OTOL1: variants seen among roughly 807,000 people sequenced by gnomAD.
OTOL1 encodes the protein otolin 1.
A neutral mutation model predicts 25.0 loss-of-function variants in OTOL1; 31 were observed. That is an observed-to-expected ratio of 1.24 (90% CI 0.93 to 1.67). The LOEUF is 1.67. OTOL1 is among the 40% of genes most tolerant of loss of function. The pLI, the probability that OTOL1 is intolerant of heterozygous loss-of-function variation, is 0.00. For synonymous variants in OTOL1, 225 were observed against 210.3 expected (o/e 1.07, Z -0.61); for missense variants, 654 against 587.7 (o/e 1.11, Z -1.17).
chr3:161,499,269 T>C lies in OTOL1; in HGVS notation c.454+9T>C. 1 of 1,579,458 alleles carries C rather than the reference T, an allele frequency of 6.3e-7. No individual in the cohort carries two copies. The highest frequency in any genetic ancestry group is 1.2e-5 in the South Asian group (1 of 84,814). On this transcript the variant is annotated intron_variant, in intron 2 of 3. Transcript: ENST00000327928. ...CTACAAAGGAGAGAAAGGTAGGTAATTCATTCATGTCAAAACTCAAGGGAC... is the reference window on the plus strand; with the variant it reads ...CTACAAAGGAGAGAAAGGTAGGTAACTCATTCATGTCAAAACTCAAGGGAC...
chr3:161,503,407 C>T lies in OTOL1; in HGVS notation c.899C>T (p.Pro300Leu). 1.2e-6 allele frequency: 2 copies of T among 1,612,436 alleles called. No homozygotes were observed. The highest frequency in any genetic ancestry group is 1.3e-5 in the African/African-American group (1 of 74,878). Residue 300 changes from proline to leucine, a missense_variant, in exon 4 of 4, where the codon CCT becomes CTT. Physicochemically the swap from Pro to Leu is moderately conservative, Grantham distance 98 (BLOSUM62 -3). Coordinates refer to ENST00000327928, the MANE Select transcript of OTOL1 (RefSeq NM_001080440.1). ...GIKGEKGELG[P>L]PGLLGPTGPK... The stretch of plus-strand genomic sequence containing the variant: ...AAAGGAGAAAAAGGAGAGTTAGGTC[C>T]TCCTGGTCTCCTGGGACCTACTGGG...
At chr3:161,502,731 C>T (rs1719006512) in intron 3 of OTOL1, among the ~76,000 whole-genome samples, 1 of 152,124 alleles carries the variant, frequency 6.6e-6, no homozygotes, top group African/African-American at 2.4e-5. Context: ...CAACGAACAA[C>T]TACAGTCCTA....
Position 161,503,915 on chromosome 3 carries a change from A to T in OTOL1, c.1407A>T (p.Pro469=). 6.2e-7 allele frequency: 1 copy of T among 1,612,634 alleles called. No individual in the cohort carries two copies. The highest frequency in any genetic ancestry group is 8.5e-7 in the Non-Finnish European group (1 of 1,179,226). ...TTTTTACTGGGTTCCTTTTGTACCC[A>T]GAGGAAACTTCTGGAATTTCACCAT... ...DSIFTGFLLY[P]EETSGISP is the part of the protein sequence containing the mutation. The change falls in exon 4 of 4, where the codon CCA becomes CCT. Residue 469 remains proline (P), a synonymous_variant. Coordinates refer to ENST00000327928, the MANE Select transcript of OTOL1 (RefSeq NM_001080440.1).
chr3:161,503,226 G>C lies in OTOL1; in HGVS notation c.718G>C (p.Asp240His), dbSNP rs1719019543. ...GEMGEKGEMG[D>H]KGCCGDSGER... The stretch of plus-strand genomic sequence containing the variant: ...GATGGGGGAGAAGGGGGAGATGGGG[G>C]ATAAGGGCTGCTGTGGAGATTCTGG... Residue 240 changes from aspartate to histidine, a missense_variant, in exon 4 of 4, where the codon GAT becomes CAT. Transcript: ENST00000327928. 1.0e-6 allele frequency: 1 copy of C among 997,160 alleles called. No individual in the cohort carries two copies. Among genetic ancestry groups the C allele is most frequent in the Non-Finnish European group, 1.3e-6 (1 of 754,052 alleles). 61.8% of individuals were successfully genotyped at this position (997,160 alleles called of 1,614,324 possible). A position where few individuals can be genotyped will look rare whatever the true frequency, so the allele number is the denominator to read the frequency against.
intron 1 of OTOL1, among the ~76,000 whole-genome samples, chr3:161,497,513 C>A (rs1295304589): frequency 6.6e-6 from 1 of 152,116 alleles, no homozygotes; most frequent in Non-Finnish European, 1.5e-5. Context: ...TCAGGAATTA[C>A]CAACTCCAGC....
At chr3:161,501,117 C>G (rs77382557) in intron 2 of OTOL1, among the ~76,000 whole-genome samples, 1 of 152,064 alleles carries the variant, frequency 6.6e-6, no homozygotes, top group Non-Finnish European at 1.5e-5. Context: ...ACAAAAATAT[C>G]TTCCCTACTT....
At position 161,502,169 on chromosome 3, in the gene OTOL1, A is replaced by G. The variant is rs565704661; in HGVS notation, c.455-138A>G. ...AGGAGTGAGCCGCCGTGCCTGGCGT[A>G]CATTCTTTTTCCACACGATTTAACT... On this transcript the variant is annotated intron_variant, in intron 2 of 3. Coordinates refer to ENST00000327928, the MANE Select transcript of OTOL1 (RefSeq NM_001080440.1). 3.3e-4 allele frequency: 256 copies of G among 765,700 alleles called. No homozygotes were observed. The African/African-American group carries it at 3.8e-3, about 11-fold the overall frequency. The allele number at this position is 765,700 out of a possible 1,614,324, so 47.4% of individuals were successfully genotyped here. A position where few individuals can be genotyped will look rare whatever the true frequency, so the allele number is the denominator to read the frequency against.
At chr3:161,501,263 G>T (rs76257965) in intron 2 of OTOL1, among the ~76,000 whole-genome samples, 2,893 of 152,150 alleles carry the variant, frequency 0.019, 84 homozygotes, top group African/African-American at 0.063. Flanking sequence ...AAATAAAAAG[G>T]CTGGATTAAG....
rs376615325 is a variant in OTOL1, at chr3:161,503,837, T to C, written c.1329T>C (p.Leu443=). 5.6e-6 allele frequency: 9 copies of C among 1,613,828 alleles called. No individual in the cohort carries two copies. In the African/African-American group the frequency reaches 8.0e-5, roughly 14 times the overall value. Residue 443 remains leucine (L), a synonymous_variant, in exon 4 of 4, where the codon CTT becomes CTC. Transcript: ENST00000327928. Reference sequence around the variant, plus strand: ...TAAGTGCAGGAGACCAAGTCTGGCTTGAGGTGTCAAAAGATTGGAATGGGG... The same window carrying C: ...TAAGTGCAGGAGACCAAGTCTGGCTCGAGGTGTCAAAAGATTGGAATGGGG... ...LKLSAGDQVW[L]EVSKDWNGVY...
In OTOL1 at chr3:161,496,821, C is replaced by T; in HGVS notation, c.14C>T (p.Ser5Phe). The T allele has an allele frequency of 8.9e-6, 14 of 1,573,312 alleles. No homozygotes were observed. The highest frequency in any genetic ancestry group is 1.0e-5 in the Non-Finnish European group (12 of 1,161,478). MWMF[S>F]WLCAILIILA... ...CCAGCTTCAAATATGTGGATGTTTT[C>T]TTGGCTTTGTGCTATTTTAATTATT... is the stretch of plus-strand genomic sequence containing the variant. The change falls in exon 1 of 4, where the codon TCT (serine) becomes TTT (phenylalanine). Residue 5 changes from serine to phenylalanine, a missense_variant. Physicochemically the swap from Ser to Phe is radical, Grantham distance 155. Coordinates refer to ENST00000327928, the MANE Select transcript of OTOL1 (RefSeq NM_001080440.1).
At position 161,496,830 on chromosome 3, in the gene OTOL1, G is replaced by A. The variant is rs530821755; in HGVS notation, c.23G>A (p.Cys8Tyr). 1.3e-6 allele frequency: 2 copies of A among 1,587,410 alleles called. No homozygotes were observed. Among genetic ancestry groups the A allele is most frequent in the Non-Finnish European group, 1.7e-6 (2 of 1,167,592 alleles). Residue 8 changes from cysteine (C) to tyrosine (Y), a missense_variant, in exon 1 of 4, where the codon TGT becomes TAT. By Grantham distance (194) the Cys-to-Tyr change is radical. Transcript: ENST00000327928. MWMFSWLCAILIILAIAG... is the reference protein window; with the variant it reads MWMFSWLYAILIILAIAG... ...AATATGTGGATGTTTTCTTGGCTTT[G>A]TGCTATTTTAATTATTTTGGCTATT...
rs865989216 is a variant in OTOL1, at chr3:161,503,127, GA to G, written c.624del (p.Gly209GlufsTer53). ...CACATGTGGGAATTGTACCAAAGGAGAAAAAGGAGACCAAGGGGCTATGGGC... is the reference window on the plus strand; with the variant it reads ...CACATGTGGGAATTGTACCAAAGGAGAAAAGGAGACCAAGGGGCTATGGGC... Reference protein sequence around the residue: ...GDTCGNCTKGEKGDQGAMGSP... With the variant: ...GDTCGNCTKGXKGDQGAMGSP... On this transcript the variant is annotated frameshift_variant, in exon 4 of 4. Coordinates refer to ENST00000327928, the MANE Select transcript of OTOL1 (RefSeq NM_001080440.1). LOFTEE classifies it low-confidence loss of function (END_TRUNC). 1.3e-5 allele frequency: 19 copies of G among 1,430,508 alleles called. No homozygotes were observed. Among genetic ancestry groups the G allele is most frequent in the South Asian group, 6.5e-5 (4 of 61,902 alleles). The allele number at this position is 1,430,508 out of a possible 1,614,324, so 88.6% of individuals were successfully genotyped here. A position where few individuals can be genotyped will look rare whatever the true frequency, so the allele number is the denominator to read the frequency against.
intron 2 of OTOL1, among the ~76,000 whole-genome samples, chr3:161,499,654 G>C (rs1021976671): frequency 6.6e-6 from 1 of 152,164 alleles, no homozygotes; most frequent in East Asian, 1.9e-4. Flanking sequence ...GAACTAACTA[G>C]AGCAGGCAAT....
intron 1 of OTOL1, among the ~76,000 whole-genome samples, chr3:161,497,630 T>A (rs1051741918): frequency 6.6e-6 from 1 of 152,108 alleles, no homozygotes; most frequent in Non-Finnish European, 1.5e-5. Context: ...CTTGCAAGAA[T>A]GTGTGCTGAC....
In OTOL1 at chr3:161,496,955, C is replaced by A. The variant is rs768214843; in HGVS notation, c.148C>A (p.Pro50Thr). The change falls in exon 1 of 4, where the codon CCA becomes ACA. Residue 50 changes from proline (P) to threonine (T), a missense_variant. By Grantham distance (38) the Pro-to-Thr change is conservative (BLOSUM62 -1). Transcript: ENST00000327928. ...MPKGLKPSSG[P>T]PPEEEETLFT... The stretch of plus-strand genomic sequence containing the variant: ...AAAGGGTCTAAAGCCATCCAGTGGC[C>A]CACCTCCAGAAGAAGAAGAAACCCT... 2 of 1,613,464 alleles carry A rather than the reference C, an allele frequency of 1.2e-6. No individual in the cohort carries two copies. Among genetic ancestry groups the A allele is most frequent in the East Asian group, 4.5e-5 (2 of 44,854 alleles).
In OTOL1 at chr3:161,499,263, A is replaced by G. The variant is rs570307930; in HGVS notation, c.454+3A>G. 1.3e-5 allele frequency: 20 copies of G among 1,590,354 alleles called. No homozygotes were observed. In the South Asian group the frequency reaches 2.1e-4, roughly 17 times the overall value. The stretch of plus-strand genomic sequence containing the variant: ...TAGAGGCTACAAAGGAGAGAAAGGT[A>G]GGTAATTCATTCATGTCAAAACTCA... On this transcript the variant is annotated splice_donor_region_variant and intron_variant, in intron 2 of 3. Transcript: ENST00000327928.
chr3:161,503,271 C>G lies in OTOL1; in HGVS notation c.763C>G (p.Gln255Glu). Residue 255 changes from glutamine to glutamate, a missense_variant, in exon 4 of 4, where the codon CAG (glutamine) becomes GAG (glutamate). Transcript: ENST00000327928. ...GDSGERGGKG[Q>E]KGEGGMKGEK... ...TTCTGGGGAGAGGGGAGGAAAAGGA[C>G]AGAAAGGTGAGGGGGGTATGAAAGG... 7.0e-7 allele frequency: 1 copy of G among 1,437,094 alleles called. No homozygotes were observed. 89.0% of individuals were successfully genotyped at this position (1,437,094 alleles called of 1,614,324 possible).
rs539822805 is a variant in OTOL1 at position 161,503,089 on chromosome 3, G to A, written c.581G>A (p.Gly194Asp). Reference sequence around the variant, plus strand: ...TTGGGAGGAGTGAAAGGACAAAAAGGCTCCAAGGGAGACACATGTGGGAAT... The same window carrying A: ...TTGGGAGGAGTGAAAGGACAAAAAGACTCCAAGGGAGACACATGTGGGAAT... ...IGLGGVKGQKGSKGDTCGNCT... is the reference protein window; with the variant it reads ...IGLGGVKGQKDSKGDTCGNCT... Residue 194 changes from glycine (G) to aspartate (D), a missense_variant, in exon 4 of 4, where the codon GGC becomes GAC. Gly to Asp is a moderately conservative substitution (Grantham distance 94). Transcript: ENST00000327928. The A allele has an allele frequency of 7.1e-7, 1 of 1,408,082 alleles. No individual in the cohort carries two copies. Among genetic ancestry groups the A allele is most frequent in the South Asian group, 1.9e-5 (1 of 51,648 alleles). 87.2% of individuals were successfully genotyped at this position (1,408,082 alleles called of 1,614,324 possible).
In OTOL1 at chr3:161,503,298, GA is replaced by G. The variant is rs865826047; in HGVS notation, c.795del (p.Gly266ValfsTer33). The part of the protein sequence containing the change: ...GQKGEGGMKG[E>X]KGSKGDSGME... ...GAAAGGTGAGGGGGGTATGAAAGGG[GA>G]AAAAGGTAGCAAAGGAGACAGTGGA... On this transcript the variant is annotated frameshift_variant, in exon 4 of 4. Transcript: ENST00000327928. LOFTEE classifies it low-confidence loss of function (END_TRUNC). 1.6e-5 allele frequency: 24 copies of G among 1,473,838 alleles called. No homozygotes were observed. The highest frequency in any genetic ancestry group is 9.6e-5 in the Admixed American group (4 of 41,560). The allele number at this position is 1,473,838 out of a possible 1,614,324, so 91.3% of individuals were successfully genotyped here. A position where few individuals can be genotyped will look rare whatever the true frequency, so the allele number is the denominator to read the frequency against.
Sources: gnomAD v4.1 joint callset for allele counts (sites outside exome capture counted in the v4.1 genomes callset) on GRCh38, gnomAD v4.1.1 for gene constraint, MANE v1.5 for transcripts, NCBI Gene and HGNC (gene_info 2026-07-23, HGNC 2026-07-21) for gene names.